The following GALNT18 variants were observed in gnomAD, a reference collection of about 807,000 sequenced individuals.
The protein encoded by GALNT18 is polypeptide N-acetylgalactosaminyltransferase 18.
GALNT18 carries 44 observed loss-of-function variants against 69.5 expected under a neutral mutation model. The ratio of observed to expected loss-of-function variants is 0.63; its 90% CI spans 0.50 to 0.81. The LOEUF (loss-of-function observed/expected upper bound fraction) is 0.81, where lower values mean the gene tolerates loss of function less well. Ranked by LOEUF, GALNT18 falls within the 40% of genes least tolerant of loss-of-function variation. The probability of loss-of-function intolerance (pLI) is 0.00; values close to 1 mark genes in which losing one functional copy is unlikely to be tolerated. For missense variants in GALNT18, 715 were observed against 810.0 expected (o/e 0.88, Z 1.42); for synonymous variants, 364 against 318.2 (o/e 1.14, Z -1.53).
intron 3 of GALNT18, among the ~76,000 whole-genome samples, chr11:11,410,706 T>C (rs1854706936): frequency 6.6e-6 from 1 of 152,204 alleles, no homozygotes; most frequent in African/African-American, 2.4e-5. Context: ...CCCCTGGGTC[T>C]GGAATTTTAG....
At chr11:11,385,503 G>A (rs375117134) in intron 3 of GALNT18, among the ~76,000 whole-genome samples, 28 of 152,080 alleles carry the variant, frequency 1.8e-4, no homozygotes, top group African/African-American at 4.6e-4. Flanking sequence ...CACCATGTTA[G>A]CCAGGATGGT....
intron 10 of GALNT18, among the ~76,000 whole-genome samples, chr11:11,291,023 C>G (rs1849287361): frequency 1.3e-5 from 2 of 152,220 alleles, no homozygotes; most frequent in African/African-American, 4.8e-5. Context: ...ATATACCTAA[C>G]TGTCCTTCCA....
At chr11:11,445,620 G>A (rs764277507) in intron 2 of GALNT18, among the ~76,000 whole-genome samples, 28 of 152,224 alleles carry the variant, frequency 1.8e-4, no homozygotes, top group Admixed American at 6.5e-4. Flanking sequence ...CGTCTGGCAC[G>A]TGAGCTGAAA....
rs1853962868 is a variant in GALNT18, at chr11:11,383,158, G to A, written c.596-3894C>T. ...CAGGCCACTCTCCACATCCCCACGG[G>A]GAGCCTCCTCTCCGGGCCTGCTCAG... On this transcript the variant is annotated intron_variant, in intron 3 of 10. Coordinates refer to ENST00000227756, the MANE Select transcript of GALNT18 (RefSeq NM_198516.3). The surrounding 1 kb of genome is among the most constrained non-coding windows in gnomAD (Gnocchi z 5.2). 6.6e-6 allele frequency among the ~76,000 whole-genome samples: 1 copy of A among 152,086 alleles called. No individual in the cohort carries two copies.
intron 1 of GALNT18, among the ~76,000 whole-genome samples, chr11:11,519,015 G>C (rs1449253735): frequency 6.6e-6 from 1 of 152,138 alleles, no homozygotes; most frequent in Non-Finnish European, 1.5e-5. Context: ...ATCTTCTCCG[G>C]CAATGGAGAT....
chr11:11,597,527 A>C lies in GALNT18; in HGVS notation c.235+23832T>G, dbSNP rs1003814938. On this transcript the variant is annotated intron_variant, in intron 1 of 10. Coordinates refer to ENST00000227756, the MANE Select transcript of GALNT18 (RefSeq NM_198516.3). ...GTTGTTCACTTTGGTAGTTTGCATC[A>C]GTCTAAGAATTGGTCCATTTTATTT... Among the ~76,000 whole-genome samples, 37 of 152,280 alleles carry C rather than the reference A, an allele frequency of 2.4e-4. No homozygotes were observed. In the Middle Eastern group the frequency reaches 0.01, roughly 42 times the overall value.
At chr11:11,342,237 GTCAA>G (rs1490259153) in intron 6 of GALNT18, among the ~76,000 whole-genome samples, 2 of 152,170 alleles carry the variant, frequency 1.3e-5, no homozygotes, top group Admixed American at 6.5e-5. Context: ...TGCTTCATCA[GTCAA>G]TCAATCAATG....
intron 1 of GALNT18, among the ~76,000 whole-genome samples, chr11:11,492,439 G>A (rs1689163110): frequency 1.3e-5 from 2 of 152,168 alleles, no homozygotes; most frequent in South Asian, 4.1e-4. Context: ...AAAAGCACAG[G>A]GTTAGAAATA....
rs1276294708 is a variant in GALNT18 at position 11,387,383 on chromosome 11, C to T, written c.596-8119G>A. Among the ~76,000 whole-genome samples the T allele has an allele frequency of 6.6e-6, 1 of 152,100 alleles. No homozygotes were observed. Among genetic ancestry groups the T allele is most frequent in the Non-Finnish European group, 1.5e-5 (1 of 68,008 alleles). On this transcript the variant is annotated intron_variant, in intron 3 of 10. Coordinates refer to ENST00000227756, the MANE Select transcript of GALNT18 (RefSeq NM_198516.3). This position sits in a 1 kb window ranked among gnomAD's most constrained non-coding sequence, Gnocchi z 4.6. ...TCAATGCTGCTCCTCAAAGCCCGGC[C>T]TGGATTATACCTTTGCCACCCCATC...
rs1196024453 is a variant in GALNT18, at chr11:11,465,979, G to A, written c.236-17043C>T. On this transcript the variant is annotated intron_variant, in intron 1 of 10. Transcript: ENST00000227756. The surrounding 1 kb of genome is among the most constrained non-coding windows in gnomAD (Gnocchi z 5.7). ...AAGTCAGGGCCCAAAGGAACCACAG[G>A]AGGCATCCATCCAGACCAGTGCTTC... Among the ~76,000 whole-genome samples, 1 of 152,146 alleles carries A rather than the reference G, an allele frequency of 6.6e-6. No homozygotes were observed. Among genetic ancestry groups the A allele is most frequent in the Non-Finnish European group, 1.5e-5 (1 of 68,036 alleles).
chr11:11,370,706 C>A (rs2133671476), intron 6 of GALNT18, among the ~76,000 whole-genome samples: 1 of 152,266 alleles, frequency 6.6e-6, no homozygotes, highest in Admixed American at 6.5e-5. Flanking sequence ...TCCAGAATAG[C>A]TTTATAACTT....
rs1407644586 is a variant in GALNT18, at chr11:11,613,440, TTC to T, written c.235+7917_235+7918del. 6.6e-6 allele frequency among the ~76,000 whole-genome samples: 1 copy of T among 152,248 alleles called. No individual in the cohort carries two copies. Among genetic ancestry groups the T allele is most frequent in the Admixed American group, 6.5e-5 (1 of 15,284 alleles). ...TTAAAGGGATTTCAAGGTTGTTACA[TTC>T]CCTTGCATACTAATATGCCTTCTCA... On this transcript the variant is annotated intron_variant, in intron 1 of 10. Coordinates refer to ENST00000227756, the MANE Select transcript of GALNT18 (RefSeq NM_198516.3). This position sits in a 1 kb window ranked among gnomAD's most constrained non-coding sequence, Gnocchi z 4.2.
Position 11,279,138 on chromosome 11 carries a change from G to A in GALNT18, c.1678-7848C>T, listed in dbSNP as rs781242164. ...ACGAGAGCTGGTCATTTAAAAGTGT[G>A]TGGCACCTCCTCTCACCACTCTCTC... On this transcript the variant is annotated intron_variant, in intron 10 of 10. Coordinates refer to ENST00000227756, the MANE Select transcript of GALNT18 (RefSeq NM_198516.3). Among the ~76,000 whole-genome samples, 65 of 152,126 alleles carry A rather than the reference G, an allele frequency of 4.3e-4. 1 individual carries two copies. The highest frequency in any genetic ancestry group is 3.9e-4 in the Admixed American group (6 of 15,270).
rs1284144091 is a variant in GALNT18, at chr11:11,408,561, C to T, written c.595+24060G>A. ...AGAGTCGCCGTCTCTTTGGGGTCAC[C>T]TGTTGTGACTCCTACTCTCCCACTT... is the stretch of plus-strand genomic sequence containing the variant. On this transcript the variant is annotated intron_variant, in intron 3 of 10. Transcript: ENST00000227756. Among the ~76,000 whole-genome samples, 6 of 152,112 alleles carry T rather than the reference C, an allele frequency of 3.9e-5. No individual in the cohort carries two copies. In the East Asian group the frequency reaches 1.2e-3, roughly 30 times the overall value.
At chr11:11,525,412 G>C (rs1243341937) in intron 1 of GALNT18, among the ~76,000 whole-genome samples, 1 of 152,128 alleles carries the variant, frequency 6.6e-6, no homozygotes, top group Non-Finnish European at 1.5e-5. Context: ...GTCCTTATCT[G>C]AAACAGCGAT....
chr11:11,454,615 C>T lies in GALNT18; in HGVS notation c.236-5679G>A, dbSNP rs1855884806. ...TTCCCAGAAACCCAGGCACAAAGGG[C>T]AATGAGGTGGGAAGACCCAGAGACT... On this transcript the variant is annotated intron_variant, in intron 1 of 10. Transcript: ENST00000227756. This position sits in a 1 kb window ranked among gnomAD's most constrained non-coding sequence, Gnocchi z 4.2. 6.6e-6 allele frequency among the ~76,000 whole-genome samples: 1 copy of T among 152,012 alleles called. No homozygotes were observed. The highest frequency in any genetic ancestry group is 2.1e-4 in the South Asian group (1 of 4,816).
In GALNT18 at chr11:11,563,023, G is replaced by T. The variant is rs1858552273; in HGVS notation, c.235+58336C>A. Among the ~76,000 whole-genome samples, 1 of 152,060 alleles carries T rather than the reference G, an allele frequency of 6.6e-6. No homozygotes were observed. The highest frequency in any genetic ancestry group is 1.5e-5 in the Non-Finnish European group (1 of 68,020). ...CGTGCCTTCTACAATTTGCCAACTT[G>T]GTCCTGACGTTTTGTGCTTCATGGC... On this transcript the variant is annotated intron_variant, in intron 1 of 10. Transcript: ENST00000227756. This position sits in a 1 kb window ranked among gnomAD's most constrained non-coding sequence, Gnocchi z 4.6.
chr11:11,610,049 A>G (rs1278541212), intron 1 of GALNT18, among the ~76,000 whole-genome samples: 1 of 152,196 alleles, frequency 6.6e-6, no homozygotes, highest in African/African-American at 2.4e-5. Context: ...AGTTTCTCTC[A>G]GTCTTCCAGA....
chr11:11,621,240 A>G lies in GALNT18; in HGVS notation c.235+119T>C. ...CACGCAGGCCCCACGACTACCACGC[A>G]TCTGCGGCCCCAGAGCCCCGCCGTG... is the stretch of plus-strand genomic sequence containing the variant. On this transcript the variant is annotated intron_variant, in intron 1 of 10. Transcript: ENST00000227756. The surrounding 1 kb of genome is among the most constrained non-coding windows in gnomAD (Gnocchi z 9.3). 6 of 775,922 alleles carry G rather than the reference A, an allele frequency of 7.7e-6. No individual in the cohort carries two copies. Among genetic ancestry groups the G allele is most frequent in the South Asian group, 6.6e-5 (4 of 60,324 alleles). The allele number at this position is 775,922 out of a possible 1,614,324, so 48.1% of individuals were successfully genotyped here.
Sources: allele counts gnomAD v4.1 joint callset (sites outside exome capture counted in the v4.1 genomes callset), GRCh38; gene constraint gnomAD v4.1.1; non-coding constraint Gnocchi (gnomAD v3.1); transcripts MANE v1.5; gene names NCBI Gene and HGNC (gene_info 2026-07-23, HGNC 2026-07-21).